Variants in NADK2 observed in about 807,000 individuals in gnomAD.
The protein encoded by NADK2 is NAD kinase 2, mitochondrial.
NADK2 carries 35 observed loss-of-function variants against 62.1 expected under a neutral mutation model. The observed-to-expected ratio is 0.56, with a 90% confidence interval of 0.43 to 0.75. The LOEUF (loss-of-function observed/expected upper bound fraction) is 0.75. Among genes scored for constraint, NADK2 ranks in the 30% least tolerant of loss-of-function variants. The pLI is 0.00. For missense variants in NADK2, 439 were observed against 561.3 expected (o/e 0.78, Z 2.20); for synonymous variants, 205 against 207.9 (o/e 0.99, Z 0.12).
intron 1 of NADK2, among the ~76,000 whole-genome samples, chr5:36,232,054 C>T (rs543495979): frequency 7.9e-5 from 12 of 152,110 alleles, no homozygotes; most frequent in African/African-American, 2.2e-4. Context: ...ACAGAATCTC[C>T]GAAAGCCAAG....
In NADK2 at chr5:36,241,709, G is replaced by A. The variant is rs1304135278; in HGVS notation, c.90C>T (p.Gly30=). The change falls in exon 1 of 12, where the codon GGC becomes GGT. Residue 30 remains glycine, a synonymous_variant. Coordinates refer to ENST00000381937, the MANE Select transcript of NADK2 (RefSeq NM_001085411.3). The surrounding 1 kb of genome is among the most constrained non-coding windows in gnomAD (Gnocchi z 4.9). ...AAALRGPGAG[G]PAARPRLGGD... Reference sequence around the variant, plus strand: ...CGCCCAGCCGGGGCCGCGCGGCGGGGCCTCCCGCACCCGGTCCCCGCAGCG... The same window carrying A: ...CGCCCAGCCGGGGCCGCGCGGCGGGACCTCCCGCACCCGGTCCCCGCAGCG... 2 of 1,137,644 alleles carry A rather than the reference G, an allele frequency of 1.8e-6. No homozygotes were observed. The highest frequency in any genetic ancestry group is 4.6e-5 in the East Asian group (1 of 21,830). The allele number at this position is 1,137,644 out of a possible 1,614,324, so 70.5% of individuals were successfully genotyped here.
Position 36,217,746 on chromosome 5 carries a change from A to G in NADK2, c.781+2T>C, listed in dbSNP as rs1202701265. On this transcript the variant is annotated splice_donor_variant, in intron 6 of 11. Transcript: ENST00000381937. LOFTEE classifies it high-confidence loss of function. The stretch of plus-strand genomic sequence containing the variant: ...AACACATCTGATGCCCAATCCACCT[A>G]CTTTCATCATGAGCTCTTTCAATGT... 6.2e-7 allele frequency: 1 copy of G among 1,613,568 alleles called. No individual in the cohort carries two copies. The highest frequency in any genetic ancestry group is 8.5e-7 in the Non-Finnish European group (1 of 1,179,770).
intron 7 of NADK2, 34 bp downstream of exon 7, chr5:36,211,810 A>C: frequency 6.4e-7 from 1 of 1,555,478 alleles, no homozygotes; most frequent in Admixed American, 1.7e-5. Context: ...TAAAACATTA[A>C]ATTCCATGCT....
chr5:36,234,011 A>AT (rs930105394), intron 1 of NADK2, among the ~76,000 whole-genome samples: 3 of 152,184 alleles, frequency 2.0e-5, no homozygotes, highest in Admixed American at 6.5e-5. Context: ...TAATTACAAT[A>AT]TTTTTTTAAT....
intron 1 of NADK2, among the ~76,000 whole-genome samples, chr5:36,227,877 C>T (rs1247548865): frequency 6.8e-6 from 1 of 147,842 alleles, no homozygotes; most frequent in African/African-American, 2.5e-5. Flanking sequence ...TGGAGTCTCG[C>T]TCTGTTGCCC....
intron 1 of NADK2, among the ~76,000 whole-genome samples, chr5:36,227,835 T>C (rs1747539678): frequency 6.6e-6 from 1 of 151,392 alleles, no homozygotes; most frequent in Non-Finnish European, 1.5e-5. Flanking sequence ...AAGTTTTTTA[T>C]TTTTTTTATG....
In NADK2 at chr5:36,205,897, T is replaced by A. The variant is rs1158830157; in HGVS notation, c.956+1273A>T. Among the ~76,000 whole-genome samples, 1 of 152,118 alleles carries A rather than the reference T, an allele frequency of 6.6e-6. No homozygotes were observed. Among genetic ancestry groups the A allele is most frequent in the African/African-American group, 2.4e-5 (1 of 41,406 alleles). ...AGCAAAGACTTGGAACCAACCCAAT[T>A]GTCCACCAATAACAGACTGGATAAA... On this transcript the variant is annotated intron_variant, in intron 8 of 11. Coordinates refer to ENST00000381937, the MANE Select transcript of NADK2 (RefSeq NM_001085411.3). This position sits in a 1 kb window ranked among gnomAD's most constrained non-coding sequence, Gnocchi z 4.1.
Position 36,217,796 on chromosome 5 carries a change from AGCT to A in NADK2, c.730_732del (p.Ser244del). The A allele has an allele frequency of 6.2e-7, 1 of 1,614,012 alleles. No homozygotes were observed. The highest frequency in any genetic ancestry group is 8.5e-7 in the Non-Finnish European group (1 of 1,179,912). ...TTAAGGGCTCTATTGTGCTGATTCA[AGCT>A]TAGCTGCTGCTCGTGAAGGTCCACA... On this transcript the variant is annotated inframe_deletion, in exon 6 of 12. Transcript: ENST00000381937.
intron 11 of NADK2, among the ~76,000 whole-genome samples, chr5:36,197,237 GCTT>G (rs1746263089): frequency 3.9e-5 from 6 of 151,920 alleles, no homozygotes; most frequent in Admixed American, 3.9e-4. Context: ...TTTCTATTCA[GCTT>G]CTTTTACAAT....
At chr5:36,227,150 A>G (rs1193056412) in intron 2 of NADK2, among the ~76,000 whole-genome samples, 1 of 152,178 alleles carries the variant, frequency 6.6e-6, no homozygotes, top group Non-Finnish European at 1.5e-5. Context: ...ATATTATTAC[A>G]ATGAACACTC....
intron 4 of NADK2, among the ~76,000 whole-genome samples, chr5:36,224,568 AAAAG>A (rs1282484535): frequency 7.2e-5 from 11 of 151,808 alleles, no homozygotes; most frequent in South Asian, 4.1e-4. Flanking sequence ...AAAAAAAAAA[AAAAG>A]AAAGAAAGAA....
rs1486065918 is a variant in NADK2, at chr5:36,241,403, G to A, written c.300+96C>T. On this transcript the variant is annotated intron_variant, in intron 1 of 11. Coordinates refer to ENST00000381937, the MANE Select transcript of NADK2 (RefSeq NM_001085411.3). This position sits in a 1 kb window ranked among gnomAD's most constrained non-coding sequence, Gnocchi z 4.9. ...CAGGACCGGCATCTGCGGTGCCCTG[G>A]GAAGAGTCGTCCCGAGAGGTCCCCC... 2.9e-6 allele frequency: 4 copies of A among 1,399,748 alleles called. No homozygotes were observed. The African/African-American group carries it at 4.5e-5, about 16-fold the overall frequency. The allele number at this position is 1,399,748 out of a possible 1,614,324, so 86.7% of individuals were successfully genotyped here. A position where few individuals can be genotyped will look rare whatever the true frequency, so the allele number is the denominator to read the frequency against.
chr5:36,241,577 C>T lies in NADK2; in HGVS notation c.222G>A (p.Val74=), dbSNP rs1322735118. Reference sequence around the variant, plus strand: ...CGAACTCGTACCGGGTGGTTTTGGCCACCACCACCACCCGGGAGGGGCGGA... The same window carrying T: ...CGAACTCGTACCGGGTGGTTTTGGCTACCACCACCACCCGGGAGGGGCGGA... ...GGFRPSRVVV[V]AKTTRYEFEQ... is the part of the protein sequence containing the mutation. Residue 74 remains valine, a synonymous_variant, in exon 1 of 12, where the codon GTG becomes GTA. Coordinates refer to ENST00000381937, the MANE Select transcript of NADK2 (RefSeq NM_001085411.3). The surrounding 1 kb of genome is among the most constrained non-coding windows in gnomAD (Gnocchi z 4.9). 25 of 1,535,096 alleles carry T rather than the reference C, an allele frequency of 1.6e-5. No individual in the cohort carries two copies. Among genetic ancestry groups the T allele is most frequent in the Non-Finnish European group, 2.1e-5 (24 of 1,150,436 alleles).
At position 36,229,350 on chromosome 5, in the gene NADK2, T is replaced by C. The variant is rs12054682; in HGVS notation, c.301-1785A>G. Among the ~76,000 whole-genome samples, 1,847 of 152,302 alleles carry C rather than the reference T, an allele frequency of 0.012. 155 individuals are homozygous for C. The East Asian group carries it at 0.21, about 18-fold the overall frequency. On this transcript the variant is annotated intron_variant, in intron 1 of 11. Transcript: ENST00000381937. Reference sequence around the variant, plus strand: ...TGCCTAGCCAAAAGCCTCATTAAACTTAGACTAAGCAACCAATGTCAATAA... The same window carrying C: ...TGCCTAGCCAAAAGCCTCATTAAACCTAGACTAAGCAACCAATGTCAATAA...
At chr5:36,198,393 T>C (rs992970461) in intron 10 of NADK2, among the ~76,000 whole-genome samples, 7 of 151,828 alleles carry the variant, frequency 4.6e-5, no homozygotes, top group African/African-American at 1.4e-4. Context: ...TTTGGCTTCA[T>C]GAGAACACAC....
In NADK2 at chr5:36,198,696, T is replaced by C. The variant is rs142087567; in HGVS notation, c.1067-1032A>G. On this transcript the variant is annotated intron_variant, in intron 10 of 11. Transcript: ENST00000381937. Reference sequence around the variant, plus strand: ...ATATATTATTTTTTAAGTTGAATTATATAATTAAGAAGCAATTACTATATA... The same window carrying C: ...ATATATTATTTTTTAAGTTGAATTACATAATTAAGAAGCAATTACTATATA... Among the ~76,000 whole-genome samples, 442 of 150,324 alleles carry C rather than the reference T, an allele frequency of 2.9e-3. 5 individuals carry two copies. The highest frequency in any genetic ancestry group is 0.01 in the African/African-American group (417 of 41,176).
chr5:36,193,518 G>A lies in NADK2; in HGVS notation c.*1626C>T, dbSNP rs1426227146. 1 of 150,460 alleles carries A rather than the reference G, an allele frequency of 6.6e-6. No individual in the cohort carries two copies. The highest frequency in any genetic ancestry group is 2.4e-5 in the African/African-American group (1 of 40,838). 9.3% of individuals were successfully genotyped at this position (150,460 alleles called of 1,614,324 possible). A position where few individuals can be genotyped will look rare whatever the true frequency, so the allele number is the denominator to read the frequency against. On this transcript the variant is annotated 3_prime_UTR_variant, in exon 12 of 12. Transcript: ENST00000381937. Reference sequence around the variant, plus strand: ...AAAGAAGGTATTTTAAGCCTGTTAGGGGAGGTTCTATAGTATGGAGCTTCT... The same window carrying A: ...AAAGAAGGTATTTTAAGCCTGTTAGAGGAGGTTCTATAGTATGGAGCTTCT...
At chr5:36,226,624 T>C (rs2112166033) in intron 2 of NADK2, 61 bp from the exon 3 acceptor site, 2 of 1,203,626 alleles carry the variant, frequency 1.7e-6, no homozygotes, top group Non-Finnish European at 1.2e-6. Flanking sequence ...AACAGGGGTA[T>C]GTTTTCTGAG....
chr5:36,219,052 T>C (rs137968785), intron 5 of NADK2, among the ~76,000 whole-genome samples: 154 of 152,368 alleles, frequency 1.0e-3, no homozygotes, highest in African/African-American at 3.4e-3. Context: ...AGTTATATTA[T>C]AGGCCAACCA....
Sources: gnomAD v4.1 joint callset for allele counts (sites outside exome capture counted in the v4.1 genomes callset) on GRCh38, gnomAD v4.1.1 for gene constraint, Gnocchi (gnomAD v3.1) non-coding constraint, MANE v1.5 for transcripts, NCBI Gene and HGNC (gene_info 2026-07-23, HGNC 2026-07-21) for gene names.